The following L3HYPDH variants were observed in gnomAD, a reference collection of about 807,000 sequenced individuals.
L3HYPDH encodes trans-3-hydroxy-L-proline dehydratase.
Under a neutral mutation model 26.5 loss-of-function variants are expected in L3HYPDH, and 32 were observed. The observed-to-expected ratio is 1.21, with a 90% CI of 0.91 to 1.62. L3HYPDH has a LOEUF of 1.62. Among genes scored for constraint, L3HYPDH ranks in the 40% most tolerant of loss-of-function variants. The pLI, the probability that L3HYPDH is intolerant of heterozygous loss-of-function variation, is 0.00. For missense variants in L3HYPDH, 554 were observed against 476.4 expected (o/e 1.16, Z -1.52); for synonymous variants, 215 against 196.6 (o/e 1.09, Z -0.78).
At chr14:59,498,666 C>G in the L3HYPDH span, 1 of 911,136 alleles carries the variant, frequency 1.1e-6, no homozygotes, top group Non-Finnish European at 1.6e-6. Flanking sequence ...TAAAAATGAT[C>G]AAGATTAAAA....
Position 59,475,958 on chromosome 14 carries a change from G to C in L3HYPDH, c.850C>G (p.Gln284Glu). Residue 284 changes from glutamine (Q) to glutamate (E), a missense_variant, in exon 4 of 5, where the codon CAG becomes GAG. Transcript: ENST00000247194. The stretch of plus-strand genomic sequence containing the variant: ...AGTTCCAGAAGCCCTTTGTGATACT[G>C]TAAGGCAATTCGGGCTGTCACTCCT... ...GSGVTARIALQYHKGLLELNQ... is the reference protein window; with the variant it reads ...GSGVTARIALEYHKGLLELNQ... The C allele has an allele frequency of 6.2e-7, 1 of 1,613,964 alleles. No individual in the cohort carries two copies. The highest frequency in any genetic ancestry group is 1.1e-5 in the South Asian group (1 of 91,072).
At chr14:59,469,369 A>G (rs569886954), downstream of L3HYPDH, among the ~76,000 whole-genome samples, 1 of 152,070 alleles carries the variant, frequency 6.6e-6, no homozygotes, top group South Asian at 2.1e-4. Context: ...CCTGGCCAAC[A>G]GGGTGAAATC....
chr14:59,485,045 A>C, upstream of L3HYPDH: 1 of 1,598,230 alleles, frequency 6.3e-7, no homozygotes, highest in Non-Finnish European at 8.5e-7. Flanking sequence ...GAATCTTAAA[A>C]CTTTAGCCAT....
Position 59,484,403 on chromosome 14 carries a change from G to A in L3HYPDH, c.-87C>T. On this transcript the variant is annotated 5_prime_UTR_variant, in exon 1 of 5. Coordinates refer to ENST00000247194, the MANE Select transcript of L3HYPDH (RefSeq NM_144581.2). The stretch of plus-strand genomic sequence containing the variant: ...CACTGACTCCGCGGGAGGAGGGCGG[G>A]ACGCTAACCAGCCACGTCCGGGGGG... 2 of 1,442,554 alleles carry A rather than the reference G, an allele frequency of 1.4e-6. No individual in the cohort carries two copies. The highest frequency in any genetic ancestry group is 1.9e-6 in the Non-Finnish European group (2 of 1,064,538). The allele number at this position is 1,442,554 out of a possible 1,614,324, so 89.4% of individuals were successfully genotyped here.
chr14:59,497,153 A>G, the L3HYPDH span, among the ~76,000 whole-genome samples: 3 of 152,160 alleles, frequency 2.0e-5, no homozygotes, highest in Non-Finnish European at 4.4e-5. Context: ...GACTTTACTG[A>G]TAATTATAGT....
At chr14:59,482,794 C>G (rs1890125309) in intron 1 of L3HYPDH, among the ~76,000 whole-genome samples, 1 of 152,184 alleles carries the variant, frequency 6.6e-6, no homozygotes, top group Admixed American at 6.5e-5. Context: ...GTCCAACTTT[C>G]TAACAGATGA....
Position 59,479,310 on chromosome 14 carries a change from C to T in L3HYPDH, c.550G>A (p.Asp184Asn). Residue 184 changes from aspartate to asparagine, a missense_variant, in exon 2 of 5, where the codon GAC becomes AAC. By Grantham distance (23) the Asp-to-Asn change is conservative. Coordinates refer to ENST00000247194, the MANE Select transcript of L3HYPDH (RefSeq NM_144581.2). Reference protein sequence around the residue: ...DVPGHGKVMVDIAYGGAFYAF... With the variant: ...DVPGHGKVMVNIAYGGAFYAF... The stretch of plus-strand genomic sequence containing the variant: ...TAAAATGCACCGCCATATGCAATGT[C>T]CACCATCACCTTTCCATGTCCAGGA... 1.9e-6 allele frequency: 3 copies of T among 1,613,190 alleles called. No individual in the cohort carries two copies. The highest frequency in any genetic ancestry group is 1.7e-6 in the Non-Finnish European group (2 of 1,179,804).
At chr14:59,495,282 A>G in the L3HYPDH span, 1 of 1,340,988 alleles carries the variant, frequency 7.5e-7, no homozygotes, top group Non-Finnish European at 1.1e-6. Context: ...GAGGATTATT[A>G]TAGATTTTAT....
Position 59,484,351 on chromosome 14 carries a change from G to A in L3HYPDH, c.-35C>T, listed in dbSNP as rs755571092. On this transcript the variant is annotated 5_prime_UTR_variant, in exon 1 of 5. Coordinates refer to ENST00000247194, the MANE Select transcript of L3HYPDH (RefSeq NM_144581.2). The stretch of plus-strand genomic sequence containing the variant: ...CGGGGGAGACGAGTACGGTCCCGCA[G>A]CTATGGCTTCAAGCCCGACCCTCAC... 33 of 1,549,646 alleles carry A rather than the reference G, an allele frequency of 2.1e-5. No individual in the cohort carries two copies. The highest frequency in any genetic ancestry group is 6.8e-5 in the African/African-American group (5 of 73,870).
upstream of L3HYPDH, among the ~76,000 whole-genome samples, chr14:59,488,264 G>C (rs1890730219): frequency 6.6e-6 from 1 of 151,892 alleles, no homozygotes; most frequent in Admixed American, 6.6e-5. Context: ...ACTAAGCACT[G>C]CATTTTATGT....
At chr14:59,488,310 A>T (rs1251200056), upstream of L3HYPDH, among the ~76,000 whole-genome samples, 1 of 152,178 alleles carries the variant, frequency 6.6e-6, no homozygotes, top group Non-Finnish European at 1.5e-5. Context: ...AAAATAACTG[A>T]CATGGCTTAT....
At chr14:59,468,023 C>G (rs962978560), downstream of L3HYPDH, among the ~76,000 whole-genome samples, 2 of 152,152 alleles carry the variant, frequency 1.3e-5, no homozygotes, top group Admixed American at 1.3e-4. Context: ...CTTCCCACAT[C>G]CAGTTCCTAC....
chr14:59,471,522 A>G (rs901720205), downstream of L3HYPDH, among the ~76,000 whole-genome samples: 1 of 152,214 alleles, frequency 6.6e-6, no homozygotes, highest in African/African-American at 2.4e-5. Flanking sequence ...TGCTGTCTTT[A>G]GAGAATTTTA....
chr14:59,494,432 T>A, the L3HYPDH span, among the ~76,000 whole-genome samples: 1 of 152,128 alleles, frequency 6.6e-6, no homozygotes, highest in South Asian at 2.1e-4. Flanking sequence ...AAATGTAATT[T>A]TGAGTAGAAA....
At chr14:59,467,994 C>T (rs1319167243), downstream of L3HYPDH, among the ~76,000 whole-genome samples, 1 of 152,220 alleles carries the variant, frequency 6.6e-6, no homozygotes, top group Non-Finnish European at 1.5e-5. Context: ...CTACTGTTGT[C>T]ACTGTTGTCC....
At chr14:59,485,199 T>C (rs1890440784), upstream of L3HYPDH, 1 of 1,429,998 alleles carries the variant, frequency 7.0e-7, no homozygotes, top group Non-Finnish European at 9.6e-7. Flanking sequence ...AGATTATTGA[T>C]ATTCACGTGT....
chr14:59,502,172 A>G, the L3HYPDH span, among the ~76,000 whole-genome samples: 1 of 152,178 alleles, frequency 6.6e-6, no homozygotes. Context: ...TATATTTATT[A>G]TTGTTACTAA....
intron 4 of L3HYPDH, 81 bp from the exon 5 acceptor site, chr14:59,473,171 T>C: frequency 7.4e-7 from 1 of 1,342,814 alleles, no homozygotes. Flanking sequence ...TCTTGACTTT[T>C]ATCATGTGAA....
At chr14:59,498,878 G>A in the L3HYPDH span, 51 of 1,610,380 alleles carry the variant, frequency 3.2e-5, no homozygotes, top group Admixed American at 5.0e-5. Context: ...AATTTTAACC[G>A]TGCTTCAGGC....
Sources: gnomAD v4.1 joint callset for allele counts (sites outside exome capture counted in the v4.1 genomes callset) on GRCh38, gnomAD v4.1.1 for gene constraint, MANE v1.5 for transcripts, NCBI Gene and HGNC (gene_info 2026-07-23, HGNC 2026-07-21) for gene names.